Variants in MIA2 observed in about 807,000 individuals in gnomAD.
The protein encoded by MIA2 is melanoma inhibitory activity protein 2.
MIA2 carries 127 observed loss-of-function variants against 167.8 expected under a neutral mutation model. That is an observed-to-expected ratio of 0.76 (90% CI 0.66 to 0.88). The LOEUF is 0.88. Ranked by LOEUF, MIA2 falls within the 40% of genes least tolerant of loss-of-function variation. The probability of loss-of-function intolerance (pLI) is 0.00; values close to 1 mark genes in which losing one functional copy is unlikely to be tolerated. For missense variants in MIA2, 1,690 were observed against 1,624.7 expected (o/e 1.04, Z -0.69); for synonymous variants, 552 against 541.9 (o/e 1.02, Z -0.26).
chr14:39,266,680 T>C, intron 6 of MIA2: 2 of 985,598 alleles, frequency 2.0e-6, no homozygotes, highest in South Asian at 4.7e-5. Flanking sequence ...GCCATTTTTC[T>C]GACTGGAATG....
chr14:39,348,263 G>A (rs1278088202), intron 27 of MIA2, among the ~76,000 whole-genome samples: 1 of 152,084 alleles, frequency 6.6e-6, no homozygotes, highest in Non-Finnish European at 1.5e-5. Flanking sequence ...TTTTGTAGAT[G>A]GTAACCTATG....
At chr14:39,307,328 A>T (rs558789465) in intron 17 of MIA2, among the ~76,000 whole-genome samples, 1 of 151,736 alleles carries the variant, frequency 6.6e-6, no homozygotes, top group Admixed American at 6.6e-5. Context: ...TGAAAATTAG[A>T]TGCTAGAATT....
intron 4 of MIA2, among the ~76,000 whole-genome samples, chr14:39,251,170 C>T (rs2054554071): frequency 6.6e-6 from 1 of 152,114 alleles, no homozygotes; most frequent in African/African-American, 2.4e-5. Flanking sequence ...CTGTGAAAGG[C>T]TCAGACTTGA....
chr14:39,300,975 CATAT>C (rs374470761), intron 14 of MIA2, among the ~76,000 whole-genome samples: 21 of 92,698 alleles, frequency 2.3e-4, no homozygotes, highest in African/African-American at 5.6e-4. Context: ...CATATATACA[CATAT>C]ATACATATAT....
chr14:39,304,344 G>A lies in MIA2; in HGVS notation c.2841G>A (p.Gln947=), dbSNP rs1328567842. Residue 947 remains glutamine (Q), a synonymous_variant, in exon 17 of 29, where the codon CAG becomes CAA. Transcript: ENST00000640607. ...GAGAAAGAAACCAAATTTATATTCA[G>A]TTGTCTGAAGTTGATAAAACAAAGG... ...LEGERNQIYI[Q]LSEVDKTKEE... 6.4e-7 allele frequency: 1 copy of A among 1,572,024 alleles called. No individual in the cohort carries two copies. Among genetic ancestry groups the A allele is most frequent in the Admixed American group, 1.8e-5 (1 of 54,426 alleles).
chr14:39,238,850 T>G (rs1317057532), intron 2 of MIA2, among the ~76,000 whole-genome samples: 1 of 143,028 alleles, frequency 7.0e-6, no homozygotes, highest in Non-Finnish European at 1.5e-5. Context: ...GAGCTTTTTA[T>G]TTGGCCCGAA....
chr14:39,285,489 CTCCCGGACGGG>C, intron 9 of MIA2, among the ~76,000 whole-genome samples: 2 of 148,684 alleles, frequency 1.3e-5, no homozygotes, highest in African/African-American at 4.9e-5. Context: ...CCCCACCTCC[CTCCCGGACGGG>C]GCGGCTGGCC....
Position 39,280,759 on chromosome 14 carries a change from A to AC in MIA2, c.2130+1222_2130+1223insC, listed in dbSNP as rs2058792896. 3.3e-5 allele frequency among the ~76,000 whole-genome samples: 5 copies of AC among 151,896 alleles called. No individual in the cohort carries two copies. In the South Asian group the frequency reaches 1.0e-3, roughly 32 times the overall value. On this transcript the variant is annotated intron_variant, in intron 9 of 28. Transcript: ENST00000640607. ...AACAAACAAACAAACAAACAAACAA[A>AC]AAAACCCTACTGGCTGTTTTTATCA...
Position 39,320,954 on chromosome 14 carries a change from T to A in MIA2, c.3394T>A (p.Leu1132Met). 1 of 1,613,642 alleles carries A rather than the reference T, an allele frequency of 6.2e-7. No homozygotes were observed. The highest frequency in any genetic ancestry group is 8.5e-7 in the Non-Finnish European group (1 of 1,179,726). Residue 1132 changes from leucine (L) to methionine (M), a missense_variant, in exon 24 of 29, where the codon TTG becomes ATG. Physicochemically the swap from Leu to Met is conservative, Grantham distance 15 (BLOSUM62 2). Coordinates refer to ENST00000640607, the MANE Select transcript of MIA2 (RefSeq NM_001329214.4). ...GCATTCCCCATATGGTCCCTCACCA[T>A]TGGGTTGGCCTTCATCTGAAACAAG... ...REHSPYGPSP[L>M]GWPSSETRAF... is the part of the protein sequence containing the mutation.
At chr14:39,265,402 TGAA>T (rs1397747825) in intron 6 of MIA2, 1 of 1,610,932 alleles carries the variant, frequency 6.2e-7, no homozygotes, top group African/African-American at 1.3e-5. Context: ...GAAATGGAAT[TGAA>T]AAGTCCAGAG....
Position 39,313,315 on chromosome 14 carries a change from AATT to A in MIA2, c.3018-22_3018-20del, listed in dbSNP as rs753374474. ...ATTATCTTTTGACATGTATTAAGAGAATTATAACATTTTTTGTTTTTAAGGAAA... is the reference window on the plus strand; with the variant it reads ...ATTATCTTTTGACATGTATTAAGAGAATAACATTTTTTGTTTTTAAGGAAA... On this transcript the variant is annotated intron_variant, in intron 18 of 28. Transcript: ENST00000640607. The A allele has an allele frequency of 8.0e-6, 10 of 1,250,602 alleles. No homozygotes were observed. In the Admixed American group the frequency reaches 1.7e-4, roughly 22 times the overall value. The allele number at this position is 1,250,602 out of a possible 1,614,324, so 77.5% of individuals were successfully genotyped here.
At chr14:39,325,619 G>A (rs532322130) in intron 24 of MIA2, among the ~76,000 whole-genome samples, 283 of 151,748 alleles carry the variant, frequency 1.9e-3, no homozygotes, top group African/African-American at 6.4e-3. Context: ...CGCCCGCCTT[G>A]ACCTCCCAAA....
intron 25 of MIA2, among the ~76,000 whole-genome samples, chr14:39,328,080 C>T (rs1267040457): frequency 6.6e-6 from 1 of 152,204 alleles, no homozygotes; most frequent in African/African-American, 2.4e-5. Context: ...ACTTACACTC[C>T]CACTAACAGT....
At position 39,326,881 on chromosome 14, in the gene MIA2, A is replaced by C. The variant is rs1169703931; in HGVS notation, c.3514A>C (p.Asn1172His). The C allele has an allele frequency of 1.9e-6, 3 of 1,576,746 alleles. No individual in the cohort carries two copies. The highest frequency in any genetic ancestry group is 2.6e-6 in the Non-Finnish European group (3 of 1,165,938). Reference sequence around the variant, plus strand: ...TTAATTAGGCTCACGAGGCCCAGGGAATCCTCTGGACCATCAGATTACCAA... The same window carrying C: ...TTAATTAGGCTCACGAGGCCCAGGGCATCCTCTGGACCATCAGATTACCAA... ...GGGRGSRGPG[N>H]PLDHQITNER... The change falls in exon 25 of 29, where the codon AAT becomes CAT. Residue 1172 changes from asparagine (N) to histidine (H), a missense_variant. Coordinates refer to ENST00000640607, the MANE Select transcript of MIA2 (RefSeq NM_001329214.4).
At chr14:39,329,600 A>G (rs2153004349) in intron 25 of MIA2, among the ~76,000 whole-genome samples, 2 of 151,328 alleles carry the variant, frequency 1.3e-5, no homozygotes, top group South Asian at 4.2e-4. Flanking sequence ...TGAGTTTGTC[A>G]TAAATAGCTC....
intron 25 of MIA2, among the ~76,000 whole-genome samples, chr14:39,332,401 C>G (rs1231975958): frequency 6.6e-6 from 1 of 152,130 alleles, no homozygotes; most frequent in South Asian, 2.1e-4. Flanking sequence ...GCTCCTTTAG[C>G]TTGGCGGAGT....
chr14:39,355,490 C>T (rs1013498896), downstream of MIA2, among the ~76,000 whole-genome samples: 1 of 151,946 alleles, frequency 6.6e-6, no homozygotes, highest in African/African-American at 2.4e-5. Context: ...CAATCATGTC[C>T]CCTGCAAACA....
In MIA2 at chr14:39,298,951, A is replaced by G. The variant is rs538510649; in HGVS notation, c.2497-913A>G. ...ATAAAAATAAAAAAATTAGCAGAGTATGTGACATGTGCTTGTAGTCTAGTT... is the reference window on the plus strand; with the variant it reads ...ATAAAAATAAAAAAATTAGCAGAGTGTGTGACATGTGCTTGTAGTCTAGTT... On this transcript the variant is annotated intron_variant, in intron 13 of 28. Coordinates refer to ENST00000640607, the MANE Select transcript of MIA2 (RefSeq NM_001329214.4). Among the ~76,000 whole-genome samples the G allele has an allele frequency of 1.4e-4, 21 of 150,834 alleles. No homozygotes were observed. The East Asian group carries it at 3.0e-3, about 21-fold the overall frequency.
At position 39,304,387 on chromosome 14, in the gene MIA2, T is replaced by G; in HGVS notation, c.2878+6T>G. Reference sequence around the variant, plus strand: ...AACAAAGGAAGAGCTTACAGGTAGGTCATTGACATACATACTTTTAATGTT... The same window carrying G: ...AACAAAGGAAGAGCTTACAGGTAGGGCATTGACATACATACTTTTAATGTT... On this transcript the variant is annotated splice_donor_region_variant and intron_variant, in intron 17 of 28. Coordinates refer to ENST00000640607, the MANE Select transcript of MIA2 (RefSeq NM_001329214.4). 1 of 1,471,350 alleles carries G rather than the reference T, an allele frequency of 6.8e-7. No individual in the cohort carries two copies. The highest frequency in any genetic ancestry group is 9.3e-7 in the Non-Finnish European group (1 of 1,078,962). 91.1% of individuals were successfully genotyped at this position (1,471,350 alleles called of 1,614,324 possible). A position where few individuals can be genotyped will look rare whatever the true frequency, so the allele number is the denominator to read the frequency against.
Sources: allele counts gnomAD v4.1 joint callset (sites outside exome capture counted in the v4.1 genomes callset), GRCh38; gene constraint gnomAD v4.1.1; transcripts MANE v1.5; gene names NCBI Gene and HGNC (gene_info 2026-07-23, HGNC 2026-07-21).